PRSS12: variants seen among roughly 807,000 people sequenced by gnomAD.
The protein encoded by PRSS12 is serine protease 12, also known as neurotrypsin.
Under a neutral mutation model 104.4 loss-of-function variants are expected in PRSS12, and 85 were observed. The observed-to-expected ratio is 0.81, with a 90% CI of 0.68 to 0.98. The LOEUF is 0.98. PRSS12 is among the 50% of genes least tolerant of loss of function. The probability of loss-of-function intolerance (pLI) is 0.00; values close to 1 mark genes in which losing one functional copy is unlikely to be tolerated. For missense variants in PRSS12, 1,141 were observed against 1,139.2 expected (o/e 1.00, Z -0.02); for synonymous variants, 454 against 425.2 (o/e 1.07, Z -0.83).
intron 11 of PRSS12, among the ~76,000 whole-genome samples, chr4:118,286,335 G>A (rs1431335105): frequency 1.3e-5 from 2 of 152,152 alleles, no homozygotes. Context: ...TACACCGTTT[G>A]AAGAGTTGTC....
chr4:118,316,444 CTTACA>C (rs969255041), intron 5 of PRSS12, 121 bp from the exon 6 acceptor site: 36 of 1,228,264 alleles, frequency 2.9e-5, no homozygotes, highest in African/African-American at 3.0e-5. Flanking sequence ...TTTTGCTAAA[CTTACA>C]TTACATCTGT....
intron 3 of PRSS12, among the ~76,000 whole-genome samples, chr4:118,334,486 CA>C (rs1417834655): frequency 6.6e-6 from 1 of 151,770 alleles, no homozygotes; most frequent in Non-Finnish European, 1.5e-5. Context: ...TAGCATTACC[CA>C]AAGGTAGAGA....
At chr4:118,306,335 T>C (rs1435216955) in intron 8 of PRSS12, among the ~76,000 whole-genome samples, 1 of 152,192 alleles carries the variant, frequency 6.6e-6, no homozygotes, top group African/African-American at 2.4e-5. Flanking sequence ...AGGCCATTCT[T>C]CCATTGCCAT....
At chr4:118,282,691 A>G in intron 12 of PRSS12, 140 bp downstream of exon 12, 6 of 1,109,482 alleles carry the variant, frequency 5.4e-6, no homozygotes, top group Non-Finnish European at 8.2e-6. Flanking sequence ...AGTCTCAATT[A>G]CATGCATGCA....
chr4:118,309,875 AT>A (rs1028204086), intron 7 of PRSS12, among the ~76,000 whole-genome samples: 3 of 152,188 alleles, frequency 2.0e-5, no homozygotes, highest in African/African-American at 7.2e-5. Flanking sequence ...GACACACTCT[AT>A]TTTTATTCTT....
At chr4:118,303,010 T>C (rs999870399) in intron 8 of PRSS12, among the ~76,000 whole-genome samples, 3 of 152,138 alleles carry the variant, frequency 2.0e-5, no homozygotes, top group Non-Finnish European at 2.9e-5. Context: ...CCCAGAAGTT[T>C]CAGAGGTGAG....
intron 4 of PRSS12, among the ~76,000 whole-genome samples, chr4:118,328,592 A>C (rs13124806): frequency 0.74 from 108,316 of 146,156 alleles, 40,040 homozygotes; most frequent in South Asian, 0.86. Context: ...ACAACAACAA[A>C]AAAAAAAAGA....
chr4:118,301,141 G>T (rs1017417712), intron 8 of PRSS12, among the ~76,000 whole-genome samples: 3 of 151,680 alleles, frequency 2.0e-5, no homozygotes, highest in Non-Finnish European at 4.4e-5. Context: ...CTTACTATTA[G>T]TGTTAGTAAG....
intron 11 of PRSS12, 82 bp from the exon 12 acceptor site, chr4:118,283,193 A>AGCC: frequency 6.6e-7 from 1 of 1,522,950 alleles, no homozygotes; most frequent in Non-Finnish European, 9.1e-7. Context: ...TGAAGATACA[A>AGCC]GCCTTTCTTC....
At chr4:118,317,638 G>A (rs1723482238) in intron 5 of PRSS12, among the ~76,000 whole-genome samples, 1 of 152,128 alleles carries the variant, frequency 6.6e-6, no homozygotes. Flanking sequence ...GTGTTAATCT[G>A]CTAATAAAAA....
intron 1 of PRSS12, among the ~76,000 whole-genome samples, chr4:118,348,621 C>T (rs1724413274): frequency 6.6e-6 from 1 of 151,696 alleles, no homozygotes; most frequent in African/African-American, 2.4e-5. Flanking sequence ...GCTCCCTGGG[C>T]TGATTCAGTG....
chr4:118,348,446 T>C (rs1473723048), intron 1 of PRSS12, among the ~76,000 whole-genome samples: 2 of 152,222 alleles, frequency 1.3e-5, no homozygotes, highest in African/African-American at 4.8e-5. Context: ...GTGTTCTGCC[T>C]GACTGTGACA....
At chr4:118,322,315 C>T (rs551484035) in intron 4 of PRSS12, among the ~76,000 whole-genome samples, 184 of 152,042 alleles carry the variant, frequency 1.2e-3, no homozygotes, top group Non-Finnish European at 2.2e-3. Context: ...TTTGGGAGGC[C>T]GAGGCAGGTG....
chr4:118,310,996 A>G (rs1743696994), intron 7 of PRSS12, among the ~76,000 whole-genome samples: 1 of 152,160 alleles, frequency 6.6e-6, no homozygotes, highest in Non-Finnish European at 1.5e-5. Flanking sequence ...GGTTGCAGTG[A>G]GCCGAGATTG....
rs1560768361 is a variant in PRSS12 at position 118,299,765 on chromosome 4, T to TAAAATAAAATAAAATAAAATA, written c.1632-828_1632-827insTATTTTATTTTATTTTATTTT. 1.2e-4 allele frequency among the ~76,000 whole-genome samples: 9 copies of TAAAATAAAATAAAATAAAATA among 77,338 alleles called. 2 individuals are homozygous for TAAAATAAAATAAAATAAAATA. Among genetic ancestry groups the TAAAATAAAATAAAATAAAATA allele is most frequent in the Admixed American group, 2.8e-4 (2 of 7,172 alleles). The allele number at this position is 77,338 out of a possible 152,430, so 50.7% of individuals were successfully genotyped here. Reference sequence around the variant, plus strand: ...ATAAAATAAATAAAATAAATAAAATTAAATAAAATAAAATAAAATAAAATA... The same window carrying TAAAATAAAATAAAATAAAATA: ...ATAAAATAAATAAAATAAATAAAATTAAAATAAAATAAAATAAAATAAAATAAAATAAAATAAAATAAAATA... On this transcript the variant is annotated intron_variant, in intron 8 of 12. Transcript: ENST00000296498.
At chr4:118,298,010 C>T (rs939924420) in intron 9 of PRSS12, among the ~76,000 whole-genome samples, 11 of 151,778 alleles carry the variant, frequency 7.2e-5, no homozygotes, top group Non-Finnish European at 1.5e-4. Flanking sequence ...TGGTGGCAGG[C>T]GCCTGTAATC....
At position 118,281,980 on chromosome 4, in the gene PRSS12, CT is replaced by C. The variant is rs765573893; in HGVS notation, c.2583del (p.Val862SerfsTer8). On this transcript the variant is annotated frameshift_variant, in exon 13 of 13. Transcript: ENST00000296498. LOFTEE classifies it high-confidence loss of function. ...TTTATCCAAGGTACAAAGGCTGAGA[CT>C]TTGGTATAAACACCAGGAGAATCCT... ...GVKDSPGVYT[K>X]VSAFVPWIKS... The C allele has an allele frequency of 6.6e-7, 1 of 1,522,912 alleles. No homozygotes were observed. The highest frequency in any genetic ancestry group is 9.1e-7 in the Non-Finnish European group (1 of 1,096,686). 94.3% of individuals were successfully genotyped at this position (1,522,912 alleles called of 1,614,324 possible).
At chr4:118,302,107 T>C (rs190972762) in intron 8 of PRSS12, among the ~76,000 whole-genome samples, 214 of 152,300 alleles carry the variant, frequency 1.4e-3, no homozygotes, top group Middle Eastern at 3.4e-3. Flanking sequence ...TATTAAGATA[T>C]TTGTTTAATC....
At chr4:118,302,649 A>T (rs921156282) in intron 8 of PRSS12, among the ~76,000 whole-genome samples, 5 of 151,346 alleles carry the variant, frequency 3.3e-5, no homozygotes, top group African/African-American at 1.2e-4. Flanking sequence ...CTGGTCTTGA[A>T]CTCCTGGCCT....
Sources: gnomAD v4.1 joint callset for allele counts (sites outside exome capture counted in the v4.1 genomes callset) on GRCh38, gnomAD v4.1.1 for gene constraint, MANE v1.5 for transcripts, NCBI Gene and HGNC (gene_info 2026-07-23, HGNC 2026-07-21) for gene names.